ATF7IP: variants seen among roughly 807,000 people sequenced by gnomAD.
ATF7IP encodes activating transcription factor 7 interacting protein.
A neutral mutation model predicts 106.4 loss-of-function variants in ATF7IP; 23 were observed. The ratio of observed to expected loss-of-function variants is 0.22; its 90% confidence interval spans 0.16 to 0.31. The LOEUF (loss-of-function observed/expected upper bound fraction) is 0.31. ATF7IP is among the 10% of genes least tolerant of loss of function. The probability of loss-of-function intolerance (pLI) is 1.00; values close to 1 mark genes in which losing one functional copy is unlikely to be tolerated. For synonymous variants in ATF7IP, 542 were observed against 539.0 expected, an observed-to-expected ratio of 1.01 and a Z score of -0.08; for missense variants, 1,334 against 1,524.3, an observed-to-expected ratio of 0.88 and a Z score of 2.08.
intron 1 of ATF7IP, chr12:14,408,542 G>T (rs1008967908): frequency 4.6e-5 from 7 of 152,082 alleles, no homozygotes; most frequent in Non-Finnish European, 8.8e-5. Context: ...GGCTCCCTTT[G>T]GGGTATGTTT....
intron 4 of ATF7IP, among the ~76,000 whole-genome samples, chr12:14,436,561 G>A (rs990170797): frequency 1.4e-4 from 22 of 152,070 alleles, no homozygotes; most frequent in Non-Finnish European, 2.6e-4. Flanking sequence ...ATGTTGTGGT[G>A]GGTGCCTGTA....
At chr12:14,418,030 A>C (rs988499683) in intron 1 of ATF7IP, among the ~76,000 whole-genome samples, 1 of 152,136 alleles carries the variant, frequency 6.6e-6, no homozygotes, top group Non-Finnish European at 1.5e-5. Flanking sequence ...GCTAGAAAGA[A>C]GTGGGTGGAG....
At chr12:14,375,172 A>G (rs1328336556) in intron 1 of ATF7IP, among the ~76,000 whole-genome samples, 1 of 151,306 alleles carries the variant, frequency 6.6e-6, no homozygotes, top group East Asian at 1.9e-4. Context: ...TATTCTAATT[A>G]TTTTCTTTTA....
rs1339008165 is a variant in ATF7IP at position 14,424,703 on chromosome 12, A to T, written c.788A>T (p.Glu263Val). The T allele has an allele frequency of 1.1e-5, 17 of 1,614,008 alleles. No individual in the cohort carries two copies. Among genetic ancestry groups the T allele is most frequent in the Non-Finnish European group, 1.4e-5 (17 of 1,180,018 alleles). The change falls in exon 2 of 15, where the codon GAA becomes GTA. Residue 263 changes from glutamate (E) to valine (V), a missense_variant. Glu to Val is a moderately radical substitution (Grantham distance 121, BLOSUM62 -2). This residue lies in a region of ATF7IP where 438 missense variants were observed against 405.3 expected (regional missense o/e 1.08). Transcript: ENST00000261168. Reference sequence around the variant, plus strand: ...GCCTCTGGTGATCTATCCTCTAGTGAACTGGCCTCTGATGATCTGGCCACT... The same window carrying T: ...GCCTCTGGTGATCTATCCTCTAGTGTACTGGCCTCTGATGATCTGGCCACT... ...DLASGDLSSS[E>V]LASDDLATGE...
At position 14,500,548 on chromosome 12, in the gene ATF7IP, G is replaced by C. The variant is rs565146746; in HGVS notation, c.*2475G>C. ...CACCTGTCTATATCTGCATGTATAT[G>C]TTTTGACCTGCAGTGGTTGCAATGT... On this transcript the variant is annotated 3_prime_UTR_variant, in exon 15 of 15. Coordinates refer to ENST00000261168, the MANE Select transcript of ATF7IP (RefSeq NM_018179.5). The C allele has an allele frequency of 1.3e-5, 2 of 152,216 alleles. No homozygotes were observed. Among genetic ancestry groups the C allele is most frequent in the East Asian group, 3.9e-4 (2 of 5,174 alleles). 9.4% of individuals were successfully genotyped at this position (152,216 alleles called of 1,614,324 possible).
chr12:14,411,912 G>A (rs1204300845), intron 1 of ATF7IP, among the ~76,000 whole-genome samples: 1 of 151,576 alleles, frequency 6.6e-6, no homozygotes, highest in Non-Finnish European at 1.5e-5. Flanking sequence ...TAAGATTTTA[G>A]TTTTAGCTCT....
intron 1 of ATF7IP, among the ~76,000 whole-genome samples, chr12:14,368,787 T>C (rs994821523): frequency 2.0e-5 from 3 of 152,196 alleles, no homozygotes; most frequent in Non-Finnish European, 4.4e-5. Flanking sequence ...TGTATTTTTC[T>C]ATGATGAGTG....
chr12:14,398,031 G>A (rs927692833), intron 1 of ATF7IP, among the ~76,000 whole-genome samples: 4 of 152,012 alleles, frequency 2.6e-5, no homozygotes, highest in East Asian at 1.9e-4. Flanking sequence ...CAATTGTTAC[G>A]TTATTATGTT....
At chr12:14,365,948 G>C (rs1938266823) in intron 1 of ATF7IP, 121 bp downstream of exon 1, 1 of 152,368 alleles carries the variant, frequency 6.6e-6, no homozygotes, top group South Asian at 2.0e-4. Flanking sequence ...CGCGGTTGCG[G>C]AGCTGCGGGC....
intron 1 of ATF7IP, among the ~76,000 whole-genome samples, chr12:14,418,874 T>G (rs902019602): frequency 2.0e-5 from 3 of 152,110 alleles, no homozygotes; most frequent in African/African-American, 7.2e-5. Flanking sequence ...AAAATCAACT[T>G]TTCTTGAATT....
chr12:14,461,267 T>A, intron 9 of ATF7IP, 134 bp downstream of exon 9: 1 of 860,408 alleles, frequency 1.2e-6, no homozygotes, highest in Non-Finnish European at 1.7e-6. Context: ...TTATTTTTAG[T>A]AATTTTTTAG....
chr12:14,484,800 A>G (rs549485334), intron 13 of ATF7IP, among the ~76,000 whole-genome samples: 2 of 152,232 alleles, frequency 1.3e-5, no homozygotes, highest in East Asian at 3.9e-4. Context: ...CTTGAGCCCA[A>G]TCACGTATAT....
intron 1 of ATF7IP, among the ~76,000 whole-genome samples, chr12:14,381,704 C>A (rs545116863): frequency 3.2e-4 from 48 of 152,176 alleles, no homozygotes; most frequent in Non-Finnish European, 1.9e-4. Context: ...TAATAACTTA[C>A]AATTAGAGCA....
chr12:14,416,885 ATATATT>A, intron 1 of ATF7IP: 1 of 983,386 alleles, frequency 1.0e-6, no homozygotes, highest in Non-Finnish European at 1.2e-6. Flanking sequence ...GCAGCTGTTG[ATATATT>A]TTTCCTGTGG....
Position 14,424,970 on chromosome 12 carries a change from T to C in ATF7IP, c.1055T>C (p.Leu352Pro). The change falls in exon 2 of 15, where the codon CTA (leucine) becomes CCA (proline). Residue 352 changes from leucine (L) to proline (P), a missense_variant. By Grantham distance (98) the Leu-to-Pro change is moderately conservative. Coordinates refer to ENST00000261168, the MANE Select transcript of ATF7IP (RefSeq NM_018179.5). ...AATATTGATGCTAATGAAGAAACTC[T>C]AGAAACAGATGATACAACTATTTGT... ...DNNIDANEET[L>P]ETDDTTICSD... 3 of 1,609,970 alleles carry C rather than the reference T, an allele frequency of 1.9e-6. No homozygotes were observed. The highest frequency in any genetic ancestry group is 2.5e-6 in the Non-Finnish European group (3 of 1,179,046).
intron 13 of ATF7IP, among the ~76,000 whole-genome samples, chr12:14,484,017 A>T (rs546346878): frequency 2.6e-5 from 4 of 152,114 alleles, no homozygotes; most frequent in Non-Finnish European, 4.4e-5. Context: ...ATCTGGAGTA[A>T]GTGTCTATTC....
At position 14,457,211 on chromosome 12, in the gene ATF7IP, G is replaced by A; in HGVS notation, c.2074G>A (p.Ala692Thr). 6.2e-7 allele frequency: 1 copy of A among 1,610,476 alleles called. No homozygotes were observed. Residue 692 changes from alanine to threonine, a missense_variant, in exon 8 of 15, where the codon GCA (alanine) becomes ACA (threonine). Physicochemically the swap from Ala to Thr is moderately conservative, Grantham distance 58. Transcript: ENST00000261168. ...NSNNNMSYRN[A>T]GTVRQMLESK... ...GTGTGTATATGTATTTCATAGAAAT[G>A]CAGGCACAGTGAGACAGATGCTGGA...
intron 12 of ATF7IP, among the ~76,000 whole-genome samples, chr12:14,480,192 G>C (rs1944389701): frequency 6.6e-6 from 1 of 152,032 alleles, no homozygotes; most frequent in Admixed American, 6.6e-5. Flanking sequence ...TAAGAAAGTA[G>C]ATTGATTTGT....
intron 8 of ATF7IP, among the ~76,000 whole-genome samples, chr12:14,457,518 C>G (rs1943474610): frequency 6.6e-6 from 1 of 151,952 alleles, no homozygotes; most frequent in Admixed American, 6.5e-5. Context: ...CCCAGGAGTT[C>G]AAGTCAGCTT....
Sources: allele counts gnomAD v4.1 joint callset (sites outside exome capture counted in the v4.1 genomes callset), GRCh38; gene constraint gnomAD v4.1.1; regional missense constraint gnomAD v4.1.1; transcripts MANE v1.5; gene names NCBI Gene and HGNC (gene_info 2026-07-23, HGNC 2026-07-21).